ABLIM2: variants seen among roughly 807,000 people sequenced by gnomAD.
The protein encoded by ABLIM2 is actin-binding LIM protein 2.
In ABLIM2, 53 loss-of-function variants were observed where a neutral mutation model predicts 97.7. The ratio of observed to expected loss-of-function variants is 0.54; its 90% confidence interval spans 0.44 to 0.68. The LOEUF (loss-of-function observed/expected upper bound fraction) is 0.68, where lower values mean the gene tolerates loss of function less well. Ranked by LOEUF, ABLIM2 falls within the 30% of genes least tolerant of loss-of-function variation. ABLIM2 has a pLI of 0.00. For synonymous variants in ABLIM2, 361 were observed against 345.8 expected (o/e 1.04, Z -0.49); for missense variants, 835 against 867.2 (o/e 0.96, Z 0.47).
intron 1 of ABLIM2, among the ~76,000 whole-genome samples, chr4:8,108,448 A>G (rs1838557956): frequency 6.6e-6 from 1 of 152,224 alleles, no homozygotes; most frequent in African/African-American, 2.4e-5. Flanking sequence ...CCCAGGAGTC[A>G]AGTCCGGCCA....
At chr4:8,056,911 G>C (rs1799563503) in intron 7 of ABLIM2, among the ~76,000 whole-genome samples, 1 of 122,520 alleles carries the variant, frequency 8.2e-6, no homozygotes, top group Non-Finnish European at 1.6e-5. Flanking sequence ...CACCCTGGGC[G>C]ACAGAGCGAA....
intron 1 of ABLIM2, among the ~76,000 whole-genome samples, chr4:8,144,890 T>C (rs1253298962): frequency 1.3e-5 from 2 of 152,240 alleles, no homozygotes; most frequent in Non-Finnish European, 2.9e-5. Context: ...GGCGCAGAAC[T>C]CTTTGTTCCC....
intron 14 of ABLIM2, among the ~76,000 whole-genome samples, chr4:8,014,617 C>T (rs868251453): frequency 2.0e-5 from 3 of 152,212 alleles, no homozygotes; most frequent in Admixed American, 6.5e-5. Context: ...TCCACAGGAT[C>T]GGGGGAATGC....
intron 17 of ABLIM2, among the ~76,000 whole-genome samples, chr4:7,985,754 A>C (rs977674839): frequency 1.3e-5 from 2 of 152,100 alleles, no homozygotes; most frequent in Non-Finnish European, 2.9e-5. Context: ...GAGCTCCTGC[A>C]CCTGTCTCAG....
rs1434487617 is a variant in ABLIM2 at position 8,019,683 on chromosome 4, G to T, written c.1370-12C>A. 2 of 1,605,216 alleles carry T rather than the reference G, an allele frequency of 1.2e-6. No homozygotes were observed. Among genetic ancestry groups the T allele is most frequent in the South Asian group, 1.1e-5 (1 of 89,718 alleles). On this transcript the variant is annotated splice_polypyrimidine_tract_variant and intron_variant, in intron 13 of 20. Transcript: ENST00000447017. This position sits in a 1 kb window ranked among gnomAD's most constrained non-coding sequence, Gnocchi z 4.3. ...TTTTACGCCAGTGTCTGGGGAAGAAGAAAGAAAAAAAAGGAGAGAACAGGA... is the reference window on the plus strand; with the variant it reads ...TTTTACGCCAGTGTCTGGGGAAGAATAAAGAAAAAAAAGGAGAGAACAGGA...
At chr4:7,979,220 G>C (rs918361247) in intron 20 of ABLIM2, among the ~76,000 whole-genome samples, 7 of 152,226 alleles carry the variant, frequency 4.6e-5, no homozygotes, top group African/African-American at 1.7e-4. Flanking sequence ...CCCGGCAAAG[G>C]CCCTTGTGCT....
chr4:8,006,238 G>A (rs756714776), intron 16 of ABLIM2, among the ~76,000 whole-genome samples: 7 of 152,210 alleles, frequency 4.6e-5, no homozygotes, highest in Non-Finnish European at 7.3e-5. Flanking sequence ...GGGGTCACAG[G>A]GGGCAGCCCG....
rs542605888 is a variant in ABLIM2, at chr4:8,130,651, C to A, written c.11-24014G>T. Reference sequence around the variant, plus strand: ...GGGAGCACAGGGTGATCTGACCTGGCCTGGAGGGAGCAGAGGGGCTTCCTG... The same window carrying A: ...GGGAGCACAGGGTGATCTGACCTGGACTGGAGGGAGCAGAGGGGCTTCCTG... On this transcript the variant is annotated intron_variant, in intron 1 of 20. Coordinates refer to ENST00000447017, the MANE Select transcript of ABLIM2 (RefSeq NM_001130083.2). This position sits in a 1 kb window ranked among gnomAD's most constrained non-coding sequence, Gnocchi z 4.2. Among the ~76,000 whole-genome samples, 7 of 151,954 alleles carry A rather than the reference C, an allele frequency of 4.6e-5. No homozygotes were observed. The highest frequency in any genetic ancestry group is 1.7e-4 in the African/African-American group (7 of 41,372).
In ABLIM2 at chr4:8,140,590, A is replaced by G. The variant is rs1039400011; in HGVS notation, c.10+18090T>C. 6.6e-6 allele frequency among the ~76,000 whole-genome samples: 1 copy of G among 152,072 alleles called. No homozygotes were observed. The highest frequency in any genetic ancestry group is 1.5e-5 in the Non-Finnish European group (1 of 67,998). On this transcript the variant is annotated intron_variant, in intron 1 of 20. Coordinates refer to ENST00000447017, the MANE Select transcript of ABLIM2 (RefSeq NM_001130083.2). The surrounding 1 kb of genome is among the most constrained non-coding windows in gnomAD (Gnocchi z 5.9). ...AATGCCCCTTCAAAAACAAACGCGC[A>G]TTCTGTCTGTGATACCGTTACTCCC...
At chr4:8,059,499 C>T (rs1279771755) in intron 7 of ABLIM2, among the ~76,000 whole-genome samples, 1 of 152,054 alleles carries the variant, frequency 6.6e-6, no homozygotes, top group Non-Finnish European at 1.5e-5. Context: ...CTCCCCCTTG[C>T]CTAAGGTGCC....
intron 8 of ABLIM2, among the ~76,000 whole-genome samples, chr4:8,050,740 C>CT (rs1795467234): frequency 1.4e-5 from 2 of 143,012 alleles, no homozygotes; most frequent in African/African-American, 5.4e-5. Context: ...GCCAGGCCCT[C>CT]CGGACAGTTA....
rs1352235927 is a variant in ABLIM2 at position 8,001,612 on chromosome 4, C to T, written c.1618+6447G>A. Reference sequence around the variant, plus strand: ...GCACCCTGCCTGCCCAGCAGGAGGCCAGGCCTTCCAGAAAGGTCATCACTG... The same window carrying T: ...GCACCCTGCCTGCCCAGCAGGAGGCTAGGCCTTCCAGAAAGGTCATCACTG... On this transcript the variant is annotated intron_variant, in intron 16 of 20. Transcript: ENST00000447017. This position sits in a 1 kb window ranked among gnomAD's most constrained non-coding sequence, Gnocchi z 4.2. Among the ~76,000 whole-genome samples, 1 of 152,120 alleles carries T rather than the reference C, an allele frequency of 6.6e-6. No individual in the cohort carries two copies. Among genetic ancestry groups the T allele is most frequent in the Non-Finnish European group, 1.5e-5 (1 of 67,998 alleles).
chr4:8,153,720 T>C (rs1444947095), intron 1 of ABLIM2, among the ~76,000 whole-genome samples: 3 of 147,098 alleles, frequency 2.0e-5, no homozygotes, highest in Non-Finnish European at 4.4e-5. Context: ...AGGCAGAGTG[T>C]GCTCTCTTCT....
chr4:8,116,307 C>T (rs1246971535), intron 1 of ABLIM2, among the ~76,000 whole-genome samples: 1 of 152,230 alleles, frequency 6.6e-6, no homozygotes, highest in Non-Finnish European at 1.5e-5. Flanking sequence ...CGTTTCTATG[C>T]AGCTCTCTCT....
intron 7 of ABLIM2, among the ~76,000 whole-genome samples, chr4:8,060,025 A>G (rs1020943987): frequency 2.6e-5 from 4 of 152,016 alleles, no homozygotes; most frequent in African/African-American, 9.7e-5. Flanking sequence ...CACAAGGTGC[A>G]CATGTTAATA....
Position 8,045,092 on chromosome 4 carries a change from A to G in ABLIM2, c.900+72T>C, listed in dbSNP as rs928551567. The G allele has an allele frequency of 1.2e-5, 17 of 1,393,868 alleles. No individual in the cohort carries two copies. The African/African-American group carries it at 1.8e-4, about 15-fold the overall frequency. 86.3% of individuals were successfully genotyped at this position (1,393,868 alleles called of 1,614,324 possible). A position where few individuals can be genotyped will look rare whatever the true frequency, so the allele number is the denominator to read the frequency against. ...GGAAAACTCTCTTAGGGGTGGGCTTAGCCACGGCCACCGGGCCCCCCTTCT... is the reference window on the plus strand; with the variant it reads ...GGAAAACTCTCTTAGGGGTGGGCTTGGCCACGGCCACCGGGCCCCCCTTCT... On this transcript the variant is annotated intron_variant, in intron 9 of 20. Coordinates refer to ENST00000447017, the MANE Select transcript of ABLIM2 (RefSeq NM_001130083.2).
Position 8,127,752 on chromosome 4 carries a change from C to T in ABLIM2, c.11-21115G>A, listed in dbSNP as rs1262633531. On this transcript the variant is annotated intron_variant, in intron 1 of 20. Coordinates refer to ENST00000447017, the MANE Select transcript of ABLIM2 (RefSeq NM_001130083.2). This position sits in a 1 kb window ranked among gnomAD's most constrained non-coding sequence, Gnocchi z 7.3. ...GCCCGGGGAGGGGCAGAGCCAAGCC[C>T]TTCCCGGCACACTGAAATAGACTCC... 1.0e-6 allele frequency: 1 copy of T among 974,332 alleles called. No individual in the cohort carries two copies. Among genetic ancestry groups the T allele is most frequent in the East Asian group, 1.1e-4 (1 of 8,708 alleles). 60.4% of individuals were successfully genotyped at this position (974,332 alleles called of 1,614,324 possible).
chr4:8,031,890 A>T (rs978884416), intron 10 of ABLIM2, among the ~76,000 whole-genome samples: 3 of 151,978 alleles, frequency 2.0e-5, no homozygotes, highest in East Asian at 1.9e-4. Flanking sequence ...ATGCCTGGGT[A>T]ATTTTTGTAT....
chr4:8,056,457 T>C (rs932028924), intron 7 of ABLIM2, among the ~76,000 whole-genome samples: 1 of 151,688 alleles, frequency 6.6e-6, no homozygotes, highest in Non-Finnish European at 1.5e-5. Flanking sequence ...CATAGCACCA[T>C]GCCCAGCTAA....
Sources: allele counts gnomAD v4.1 joint callset (sites outside exome capture counted in the v4.1 genomes callset), GRCh38; gene constraint gnomAD v4.1.1; non-coding constraint Gnocchi (gnomAD v3.1); transcripts MANE v1.5; gene names NCBI Gene and HGNC (gene_info 2026-07-23, HGNC 2026-07-21).